The following NALF1 variants were observed in gnomAD, a reference collection of about 807,000 sequenced individuals.
The protein encoded by NALF1 is family with sequence similarity 155 member A.
In NALF1, 3 loss-of-function variants were observed where a neutral mutation model predicts 48.4. The observed-to-expected ratio is 0.06, with a 90% CI of 0.03 to 0.16. The LOEUF (loss-of-function observed/expected upper bound fraction) is 0.16. NALF1 is among the 10% of genes least tolerant of loss of function. The probability of loss-of-function intolerance (pLI) is 1.00; values close to 1 mark genes in which losing one functional copy is unlikely to be tolerated. For missense variants in NALF1, 526 were observed against 571.5 expected, an observed-to-expected ratio of 0.92 and a Z score of 0.81; for synonymous variants, 262 against 245.7, an observed-to-expected ratio of 1.07 and a Z score of -0.62.
At chr13:107,195,014 G>A (rs967615251) in intron 2 of NALF1, among the ~76,000 whole-genome samples, 2 of 152,180 alleles carry the variant, frequency 1.3e-5, no homozygotes, top group Non-Finnish European at 2.9e-5. Context: ...AAACCACAAT[G>A]AGTTAGCATC....
chr13:107,414,207 T>C (rs1228404547), intron 1 of NALF1, among the ~76,000 whole-genome samples: 1 of 93,984 alleles, frequency 1.1e-5, no homozygotes, highest in Non-Finnish European at 2.8e-5. Context: ...TTGAAAAACA[T>C]ATATATATAG....
rs147429511 is a variant in NALF1, at chr13:107,243,797, T to C, written c.916-33042A>G. ...CTGATGGGGATCATAAACAAAAGCA[T>C]AGCCTCTGCTGTGGCTACAGGAGGC... On this transcript the variant is annotated intron_variant, in intron 1 of 2. Coordinates refer to ENST00000375915, the MANE Select transcript of NALF1 (RefSeq NM_001080396.3). Among the ~76,000 whole-genome samples, 412 of 152,296 alleles carry C rather than the reference T, an allele frequency of 2.7e-3. 2 individuals carry two copies. Among genetic ancestry groups the C allele is most frequent in the African/African-American group, 9.4e-3 (390 of 41,556 alleles).
Position 107,856,669 on chromosome 13 carries a change from T to G in NALF1, c.915+9013A>C, listed in dbSNP as rs186392013. 3.4e-3 allele frequency among the ~76,000 whole-genome samples: 520 copies of G among 152,278 alleles called. 5 individuals carry two copies. Among genetic ancestry groups the G allele is most frequent in the African/African-American group, 0.011 (463 of 41,564 alleles). ...GGTGTTAGGCTAAAAAAAATAGTTA[T>G]TTTTTTATGTGATGGAATTTTATTG... On this transcript the variant is annotated intron_variant, in intron 1 of 2. Transcript: ENST00000375915.
chr13:107,203,301 T>C (rs1355627526), intron 2 of NALF1, among the ~76,000 whole-genome samples: 8 of 152,200 alleles, frequency 5.3e-5, no homozygotes, highest in African/African-American at 1.2e-4. Flanking sequence ...CTCAGTCACG[T>C]TGAATGCAGG....
chr13:107,721,474 AATT>A (rs1180540680), intron 1 of NALF1, among the ~76,000 whole-genome samples: 2 of 152,136 alleles, frequency 1.3e-5, no homozygotes, highest in Non-Finnish European at 2.9e-5. Flanking sequence ...GAGCAGGTAA[AATT>A]ATTTCAAGTT....
intron 1 of NALF1, among the ~76,000 whole-genome samples, chr13:107,283,097 T>A (rs1353946359): frequency 1.3e-5 from 2 of 152,166 alleles, no homozygotes; most frequent in African/African-American, 4.8e-5. Flanking sequence ...AGTCCCTCAG[T>A]GGTGGGAGAA....
At chr13:107,252,670 G>C (rs763301635) in intron 1 of NALF1, among the ~76,000 whole-genome samples, 1 of 152,118 alleles carries the variant, frequency 6.6e-6, no homozygotes, top group Non-Finnish European at 1.5e-5. Flanking sequence ...CTCGGGGTGG[G>C]GGAAAGAGAT....
chr13:107,422,749 A>G (rs1884210976), intron 1 of NALF1, among the ~76,000 whole-genome samples: 2 of 152,192 alleles, frequency 1.3e-5, no homozygotes, highest in African/African-American at 4.8e-5. Context: ...GAGATAGAGA[A>G]ATTATCCTAT....
At chr13:107,243,732 C>T (rs886483004) in intron 1 of NALF1, among the ~76,000 whole-genome samples, 1 of 152,110 alleles carries the variant, frequency 6.6e-6, no homozygotes, top group Non-Finnish European at 1.5e-5. Context: ...TTTTATCTAT[C>T]GTGTTAGATA....
intron 1 of NALF1, among the ~76,000 whole-genome samples, chr13:107,337,137 G>A (rs1182062490): frequency 1.3e-5 from 2 of 148,648 alleles, no homozygotes; most frequent in African/African-American, 5.0e-5. Flanking sequence ...TTTGGAAAAT[G>A]TAAGTATCTG....
At chr13:107,321,639 A>T (rs893665217) in intron 1 of NALF1, among the ~76,000 whole-genome samples, 1 of 152,096 alleles carries the variant, frequency 6.6e-6, no homozygotes, top group Non-Finnish European at 1.5e-5. Context: ...GTTTCCACCA[A>T]CTTCCATGGG....
chr13:107,866,276 C>T lies in NALF1; in HGVS notation c.321G>A (p.Leu107=), dbSNP rs1434392597. Reference sequence around the variant, plus strand: ...CGGGCGAGGACTCCCCCATGCTCGCCAGGAGCGCGGGCCAGGAGGGCTCCT... The same window carrying T: ...CGGGCGAGGACTCCCCCATGCTCGCTAGGAGCGCGGGCCAGGAGGGCTCCT... ...RQQEPSWPAL[L]ASMGESSPAA... is the part of the protein sequence containing the mutation. The change falls in exon 1 of 3, where the codon CTG becomes CTA. Residue 107 remains leucine (L), a synonymous_variant. Coordinates refer to ENST00000375915, the MANE Select transcript of NALF1 (RefSeq NM_001080396.3). The surrounding 1 kb of genome is among the most constrained non-coding windows in gnomAD (Gnocchi z 4.4). 3 of 1,599,800 alleles carry T rather than the reference C, an allele frequency of 1.9e-6. No individual in the cohort carries two copies. Among genetic ancestry groups the T allele is most frequent in the South Asian group, 1.1e-5 (1 of 90,402 alleles).
chr13:107,585,006 C>A (rs901218169), intron 1 of NALF1, among the ~76,000 whole-genome samples: 2 of 152,082 alleles, frequency 1.3e-5, no homozygotes, highest in Non-Finnish European at 2.9e-5. Context: ...ATAAAGTAAT[C>A]GGCAGTAGAC....
chr13:107,566,972 T>C (rs766431501), intron 1 of NALF1, among the ~76,000 whole-genome samples: 13 of 152,152 alleles, frequency 8.5e-5, no homozygotes, highest in Non-Finnish European at 1.8e-4. Flanking sequence ...CAGGGTTCAT[T>C]TTATTTTATT....
At chr13:107,796,920 C>T (rs749810404) in intron 1 of NALF1, among the ~76,000 whole-genome samples, 7 of 152,134 alleles carry the variant, frequency 4.6e-5, no homozygotes, top group Admixed American at 1.3e-4. Flanking sequence ...ATATTTTACA[C>T]GTGCCCAATA....
intron 1 of NALF1, among the ~76,000 whole-genome samples, chr13:107,579,997 C>T (rs1006860443): frequency 1.3e-5 from 2 of 151,796 alleles, no homozygotes; most frequent in Admixed American, 6.6e-5. Context: ...CACATGCACA[C>T]GTATGTTTAT....
intron 1 of NALF1, among the ~76,000 whole-genome samples, chr13:107,791,727 G>A (rs1387339649): frequency 2.0e-5 from 3 of 151,984 alleles, no homozygotes; most frequent in African/African-American, 7.3e-5. Flanking sequence ...GAGGCAGGTG[G>A]ATCACTTGAG....
intron 1 of NALF1, among the ~76,000 whole-genome samples, chr13:107,522,110 G>T (rs146859703): frequency 2.0e-5 from 3 of 151,856 alleles, no homozygotes; most frequent in Admixed American, 6.6e-5. Flanking sequence ...ATCCTCTTCC[G>T]CTTGCAACAA....
chr13:107,553,923 C>T (rs1321636760), intron 1 of NALF1, among the ~76,000 whole-genome samples: 4 of 152,190 alleles, frequency 2.6e-5, no homozygotes, highest in East Asian at 3.9e-4. Flanking sequence ...AAGTCCACAT[C>T]GTCTTTAAAA....
Sources: gnomAD v4.1 joint callset for allele counts (sites outside exome capture counted in the v4.1 genomes callset) on GRCh38, gnomAD v4.1.1 for gene constraint, Gnocchi (gnomAD v3.1) non-coding constraint, MANE v1.5 for transcripts, NCBI Gene and HGNC (gene_info 2026-07-23, HGNC 2026-07-21) for gene names.